The following SPOCK3 variants were observed in gnomAD, a reference collection of about 807,000 sequenced individuals.
SPOCK3 encodes the protein SPARC (osteonectin), cwcv and kazal like domains proteoglycan 3, also known as testican-3.
SPOCK3 carries 30 observed loss-of-function variants against 56.6 expected under a neutral mutation model. The ratio of observed to expected loss-of-function variants is 0.53; its 90% confidence interval spans 0.40 to 0.72. The LOEUF (loss-of-function observed/expected upper bound fraction) is 0.72. SPOCK3 is among the 30% of genes least tolerant of loss of function. The pLI, the probability that SPOCK3 is intolerant of heterozygous loss-of-function variation, is 0.00. For synonymous variants in SPOCK3, 196 were observed against 183.3 expected, an observed-to-expected ratio of 1.07 and a Z score of -0.56; for missense variants, 527 against 530.0, an observed-to-expected ratio of 0.99 and a Z score of 0.06.
At chr4:166,862,703 C>A (rs1015412759) in intron 6 of SPOCK3, among the ~76,000 whole-genome samples, 44 of 151,950 alleles carry the variant, frequency 2.9e-4, no homozygotes, top group African/African-American at 9.7e-4. Context: ...CCTTTTCTAG[C>A]AGATAAGTCA....
intron 9 of SPOCK3, among the ~76,000 whole-genome samples, chr4:166,739,516 C>T (rs1015566392): frequency 1.3e-5 from 2 of 152,128 alleles, no homozygotes; most frequent in African/African-American, 4.8e-5. Flanking sequence ...GCTGGGATTA[C>T]AGGCATGAGC....
intron 2 of SPOCK3, among the ~76,000 whole-genome samples, chr4:167,065,205 T>C (rs1234493990): frequency 6.6e-6 from 1 of 151,724 alleles, no homozygotes; most frequent in Non-Finnish European, 1.5e-5. Context: ...CAAGTTTTTA[T>C]TGTTAATAGT....
chr4:166,800,183 G>GAAAAAAAAAAAAAAAAAAAAAA (rs367811359), intron 6 of SPOCK3, among the ~76,000 whole-genome samples: 26 of 51,784 alleles, frequency 5.0e-4, no homozygotes, highest in African/African-American at 1.5e-3. Context: ...CTCCATCTCA[G>GAAAAAAAAAAAAAAAAAAAAAA]AAAAAAAAAA....
At position 166,951,572 on chromosome 4, in the gene SPOCK3, A is replaced by G. The variant is rs1298931889; in HGVS notation, c.351-38829T>C. Among the ~76,000 whole-genome samples the G allele has an allele frequency of 2.4e-4, 33 of 136,716 alleles. 2 individuals are homozygous for G. The highest frequency in any genetic ancestry group is 5.1e-4 in the Non-Finnish European group (33 of 64,656). 89.7% of individuals were successfully genotyped at this position (136,716 alleles called of 152,430 possible). A position where few individuals can be genotyped will look rare whatever the true frequency, so the allele number is the denominator to read the frequency against. On this transcript the variant is annotated intron_variant, in intron 4 of 10. Transcript: ENST00000357545. ...ATAGAAAAAGAGGGAATCCTCCCTA[A>G]CTCATTTTATGAGGCCAGCATCATC...
intron 4 of SPOCK3, among the ~76,000 whole-genome samples, chr4:166,993,262 T>C (rs1258621075): frequency 1.3e-5 from 2 of 152,148 alleles, no homozygotes; most frequent in Non-Finnish European, 2.9e-5. Flanking sequence ...TGACAGGACA[T>C]GCAAGGGCTT....
At chr4:167,222,467 G>T (rs1467735354) in intron 2 of SPOCK3, among the ~76,000 whole-genome samples, 1 of 137,144 alleles carries the variant, frequency 7.3e-6, no homozygotes, top group African/African-American at 2.7e-5. Context: ...AAATTATATA[G>T]ATTTATATAT....
intron 6 of SPOCK3, among the ~76,000 whole-genome samples, chr4:166,821,195 C>A (rs1267124649): frequency 1.3e-5 from 2 of 151,948 alleles, no homozygotes; most frequent in African/African-American, 2.4e-5. Flanking sequence ...ATGCAAATTT[C>A]TGATAAGCAC....
intron 2 of SPOCK3, among the ~76,000 whole-genome samples, chr4:167,113,668 A>G (rs577748470): frequency 6.6e-6 from 1 of 152,214 alleles, no homozygotes; most frequent in Admixed American, 6.6e-5. Flanking sequence ...TTCAAGCAAC[A>G]GCAGTAAACC....
chr4:166,835,314 A>G (rs1456066915), intron 6 of SPOCK3, among the ~76,000 whole-genome samples: 4 of 152,234 alleles, frequency 2.6e-5, no homozygotes, highest in African/African-American at 9.6e-5. Flanking sequence ...CATAAAGCCA[A>G]GAATGATTCT....
chr4:167,116,624 CATATATACTATAT>C (rs1761383783), intron 2 of SPOCK3, among the ~76,000 whole-genome samples: 2 of 127,094 alleles, frequency 1.6e-5, no homozygotes, highest in Admixed American at 1.7e-4. Flanking sequence ...TATATATATA[CATATATACTATAT>C]ACGTATATAT....
rs267600071 is a variant in SPOCK3 at position 166,735,092 on chromosome 4, T to A, written c.1133-2A>T. 1 of 1,584,268 alleles carries A rather than the reference T, an allele frequency of 6.3e-7. No homozygotes were observed. Among genetic ancestry groups the A allele is most frequent in the Non-Finnish European group, 8.6e-7 (1 of 1,162,726 alleles). Reference sequence around the variant, plus strand: ...CTCCGGAGATCTCAAAATCTATAGCTTAAAACAAGTGAAAGTAAACATAAC... The same window carrying A: ...CTCCGGAGATCTCAAAATCTATAGCATAAAACAAGTGAAAGTAAACATAAC... On this transcript the variant is annotated splice_acceptor_variant, in intron 10 of 10. Transcript: ENST00000357545. LOFTEE classifies it high-confidence loss of function.
intron 6 of SPOCK3, among the ~76,000 whole-genome samples, chr4:166,821,865 T>C (rs1361259139): frequency 1.3e-5 from 2 of 152,088 alleles, no homozygotes; most frequent in African/African-American, 4.8e-5. Flanking sequence ...TAACTGTATA[T>C]GTGAAACGAG....
intron 2 of SPOCK3, among the ~76,000 whole-genome samples, chr4:167,204,892 C>T (rs535399880): frequency 1.0e-3 from 155 of 150,752 alleles, no homozygotes; most frequent in African/African-American, 3.4e-3. Flanking sequence ...GTGTTACTAC[C>T]ACAGTTCACT....
At chr4:166,978,958 C>A (rs75767614) in intron 4 of SPOCK3, among the ~76,000 whole-genome samples, 3,734 of 152,192 alleles carry the variant, frequency 0.025, 166 homozygotes, top group African/African-American at 0.085. Flanking sequence ...TCTGTACATA[C>A]CTTAGTATAT....
chr4:166,970,001 T>C (rs901175005), intron 4 of SPOCK3, among the ~76,000 whole-genome samples: 7 of 152,214 alleles, frequency 4.6e-5, no homozygotes, highest in Admixed American at 4.6e-4. Context: ...ACCACATGAA[T>C]TTAGAAGTAT....
intron 2 of SPOCK3, among the ~76,000 whole-genome samples, chr4:167,161,226 G>A (rs1332447789): frequency 6.6e-5 from 10 of 152,166 alleles, no homozygotes; most frequent in East Asian, 5.8e-4. Flanking sequence ...ACAAGTGGGC[G>A]AAGGATATGA....
intron 7 of SPOCK3, among the ~76,000 whole-genome samples, chr4:166,770,670 C>T (rs1359680943): frequency 6.6e-6 from 1 of 152,080 alleles, no homozygotes; most frequent in Non-Finnish European, 1.5e-5. Context: ...TTAAACACAA[C>T]CGTATTGACA....
intron 3 of SPOCK3, among the ~76,000 whole-genome samples, chr4:167,043,018 T>C (rs1196433772): frequency 1.3e-5 from 2 of 152,062 alleles, no homozygotes; most frequent in Non-Finnish European, 2.9e-5. Flanking sequence ...CCTCATCACT[T>C]TTTCTGTCTC....
intron 4 of SPOCK3, among the ~76,000 whole-genome samples, chr4:166,916,138 C>T (rs542454192): frequency 2.1e-4 from 32 of 151,926 alleles, no homozygotes; most frequent in African/African-American, 5.8e-4. Flanking sequence ...CCCAGGGAAA[C>T]GAAGCAAATT....
Sources: gnomAD v4.1 joint callset for allele counts (sites outside exome capture counted in the v4.1 genomes callset) on GRCh38, gnomAD v4.1.1 for gene constraint, MANE v1.5 for transcripts, NCBI Gene and HGNC (gene_info 2026-07-23, HGNC 2026-07-21) for gene names.